Variants in ABCA4 observed in about 807,000 individuals in gnomAD.
The protein encoded by ABCA4 is ATP binding cassette subfamily A member 4.
Under a neutral mutation model 263.7 loss-of-function variants are expected in ABCA4, and 196 were observed. The observed-to-expected ratio is 0.74, with a 90% confidence interval of 0.66 to 0.84. ABCA4 has a LOEUF of 0.84. Among genes scored for constraint, ABCA4 ranks in the 40% least tolerant of loss-of-function variants. The pLI, the probability that ABCA4 is intolerant of heterozygous loss-of-function variation, is 0.00. For missense variants in ABCA4, 2,792 were observed against 2,855.1 expected (o/e 0.98, Z 0.50); for synonymous variants, 1,133 against 1,094.2 (o/e 1.04, Z -0.70).
intron 30 of ABCA4, among the ~76,000 whole-genome samples, chr1:94,027,194 G>A (rs2101030371): frequency 6.6e-6 from 1 of 152,282 alleles, no homozygotes; most frequent in African/African-American, 2.4e-5. Context: ...AAAGAAAATG[G>A]CAGGAACTGG....
chr1:94,023,313 C>A, intron 32 of ABCA4, 73 bp downstream of exon 32: 3 of 1,322,934 alleles, frequency 2.3e-6, no homozygotes, highest in Non-Finnish European at 3.2e-6. Context: ...TGAGGTGTGC[C>A]TTTTAAAAGT....
chr1:94,043,497 A>G, intron 20 of ABCA4, 22 bp from the exon 21 acceptor site: 1 of 1,614,106 alleles, frequency 6.2e-7, no homozygotes, highest in Non-Finnish European at 8.5e-7. Context: ...GGACAACGAG[A>G]AAAGCAGTGG....
At chr1:94,093,950 C>G (rs890949185) in intron 6 of ABCA4, among the ~76,000 whole-genome samples, 1 of 152,150 alleles carries the variant, frequency 6.6e-6, no homozygotes, top group Non-Finnish European at 1.5e-5. Context: ...ACAACAAAAA[C>G]CTTCCTGATT....
chr1:94,021,835 T>C lies in ABCA4; in HGVS notation c.4773+11A>G. The C allele has an allele frequency of 6.2e-7, 1 of 1,613,984 alleles. No homozygotes were observed. ...AAAAATCCTACTCAAATCTCCAGTC[T>C]GTTTACATACCCCGCTCACATTCAT... On this transcript the variant is annotated intron_variant, in intron 33 of 49. Coordinates refer to ENST00000370225, the MANE Select transcript of ABCA4 (RefSeq NM_000350.3).
In ABCA4 at chr1:94,080,724, G is replaced by C; in HGVS notation, c.859-6C>G. The C allele has an allele frequency of 6.2e-7, 1 of 1,614,126 alleles. No individual in the cohort carries two copies. Among genetic ancestry groups the C allele is most frequent in the East Asian group, 2.2e-5 (1 of 44,880 alleles). ...ATACTCGGCCGATGGATAAACTAGG[G>C]CAAGGCAAAGTCTTCAGGTTATTTT... is the stretch of plus-strand genomic sequence containing the variant. On this transcript the variant is annotated splice_polypyrimidine_tract_variant and splice_region_variant and intron_variant, in intron 7 of 49. Coordinates refer to ENST00000370225, the MANE Select transcript of ABCA4 (RefSeq NM_000350.3).
At chr1:94,055,785 G>A (rs1660961675) in intron 15 of ABCA4, among the ~76,000 whole-genome samples, 2 of 152,160 alleles carry the variant, frequency 1.3e-5, no homozygotes, top group African/African-American at 4.8e-5. Context: ...AGAAATGAAA[G>A]GCAGATGCCC....
At chr1:94,021,773 T>C (rs1218904565) in intron 33 of ABCA4, 59 bp from the exon 34 acceptor site, 3 of 1,604,790 alleles carry the variant, frequency 1.9e-6, no homozygotes, top group Non-Finnish European at 2.6e-6. Flanking sequence ...CTGTTATCAC[T>C]CATGAGAGTT....
chr1:94,054,508 T>A (rs1296892672), intron 16 of ABCA4, among the ~76,000 whole-genome samples: 5 of 152,154 alleles, frequency 3.3e-5, no homozygotes, highest in South Asian at 4.1e-4. Context: ...GAAGCAAGCC[T>A]GCAGATATGA....
intron 17 of ABCA4, among the ~76,000 whole-genome samples, chr1:94,051,310 A>T (rs563973376): frequency 6.6e-6 from 1 of 152,240 alleles, no homozygotes; most frequent in Non-Finnish European, 1.5e-5. Flanking sequence ...TCTGCTTTAT[A>T]CTGAAAAGCT....
intron 28 of ABCA4, among the ~76,000 whole-genome samples, 160 bp from the exon 29 acceptor site, chr1:94,030,686 C>T (rs1660174718): frequency 6.6e-6 from 1 of 152,176 alleles, no homozygotes; most frequent in Admixed American, 6.5e-5. Context: ...CGGTAGGCTG[C>T]CTGAACACTC....
chr1:94,028,930 A>AAAT (rs35998587), intron 30 of ABCA4, among the ~76,000 whole-genome samples: 1 of 108,032 alleles, frequency 9.3e-6, no homozygotes, highest in Non-Finnish European at 1.8e-5. Flanking sequence ...AAAAAAAAAA[A>AAAT]GAAATTCAAA....
intron 33 of ABCA4, 57 bp downstream of exon 33, chr1:94,021,789 T>G: frequency 6.2e-7 from 1 of 1,605,220 alleles, no homozygotes. Flanking sequence ...GAGTTTCTCA[T>G]TCATGGTAGT....
chr1:94,098,918 A>T lies in ABCA4; in HGVS notation c.644T>A (p.Ile215Asn). 1 of 1,613,772 alleles carries T rather than the reference A, an allele frequency of 6.2e-7. No individual in the cohort carries two copies. The highest frequency in any genetic ancestry group is 8.5e-7 in the Non-Finnish European group (1 of 1,180,018). ...CSEALLERFI[I>N]FSQRRGAKTV... ...CTTTGCCCCGCGTCTCTGGCTGAAGATGATGAAGCGCTCCAGGAGGGCCTC... is the reference window on the plus strand; with the variant it reads ...CTTTGCCCCGCGTCTCTGGCTGAAGTTGATGAAGCGCTCCAGGAGGGCCTC... Residue 215 changes from isoleucine to asparagine, a missense_variant, in exon 6 of 50, where the codon ATC becomes AAC. Physicochemically the swap from Ile to Asn is moderately radical, Grantham distance 149. Coordinates refer to ENST00000370225, the MANE Select transcript of ABCA4 (RefSeq NM_000350.3).
chr1:94,064,124 G>C (rs1661204685), intron 11 of ABCA4, among the ~76,000 whole-genome samples: 2 of 152,158 alleles, frequency 1.3e-5, no homozygotes, highest in Admixed American at 1.3e-4. Flanking sequence ...TTCTTAGCAT[G>C]TAACTCACAA....
At chr1:94,060,910 A>C in intron 13 of ABCA4, 151 bp from the exon 14 acceptor site, 1 of 724,448 alleles carries the variant, frequency 1.4e-6, no homozygotes, top group African/African-American at 1.8e-5. Context: ...ATGGGCTGGA[A>C]TCTTTTAACA....
In ABCA4 at chr1:94,007,622, C is replaced by G. The variant is rs1459264894; in HGVS notation, c.6005+12G>C. 6.2e-7 allele frequency: 1 copy of G among 1,603,488 alleles called. No homozygotes were observed. The stretch of plus-strand genomic sequence containing the variant: ...GAGAGACTCCCTGAGACAGGAGGAG[C>G]AGGATACTCACCTCTTGCCTGCTAC... On this transcript the variant is annotated intron_variant, in intron 43 of 49. Coordinates refer to ENST00000370225, the MANE Select transcript of ABCA4 (RefSeq NM_000350.3).
intron 29 of ABCA4, 67 bp downstream of exon 29, chr1:94,030,361 T>C (rs1660163661): frequency 1.4e-6 from 2 of 1,459,856 alleles, no homozygotes; most frequent in Middle Eastern, 1.9e-4. Context: ...GCCTGCCATC[T>C]TGAACCCACC....
chr1:94,103,808 C>T (rs6674317), intron 4 of ABCA4, among the ~76,000 whole-genome samples: 7,463 of 152,266 alleles, frequency 0.049, 568 homozygotes, highest in African/African-American at 0.16. Flanking sequence ...GCAGGAAAAG[C>T]TCCAGGTAGA....
At chr1:94,014,468 C>T (rs1400306846) in intron 38 of ABCA4, 75 bp downstream of exon 38, 1 of 1,547,708 alleles carries the variant, frequency 6.5e-7, no homozygotes, top group East Asian at 2.2e-5. Flanking sequence ...CGATGCTTGC[C>T]CCTGGCTCTG....
Sources: gnomAD v4.1 joint callset for allele counts (sites outside exome capture counted in the v4.1 genomes callset) on GRCh38, gnomAD v4.1.1 for gene constraint, MANE v1.5 for transcripts, NCBI Gene and HGNC (gene_info 2026-07-23, HGNC 2026-07-21) for gene names.